Variants in SSPN observed in about 807,000 individuals in gnomAD.
SSPN encodes K-ras oncogene-associated protein.
Under a neutral mutation model 19.1 loss-of-function variants are expected in SSPN, and 15 were observed. The observed-to-expected ratio is 0.78, with a 90% CI of 0.52 to 1.21. The LOEUF (loss-of-function observed/expected upper bound fraction) is 1.21. Ranked by LOEUF, SSPN falls within the 50% of genes most tolerant of loss-of-function variation. The pLI, the probability that SSPN is intolerant of heterozygous loss-of-function variation, is 0.00. For missense variants in SSPN, 291 were observed against 314.0 expected, an observed-to-expected ratio of 0.93 and a Z score of 0.55; for synonymous variants, 147 against 140.3, an observed-to-expected ratio of 1.05 and a Z score of -0.34.
intron 1 of SSPN, among the ~76,000 whole-genome samples, chr12:26,174,197 T>C (rs1459824564): frequency 6.6e-6 from 1 of 152,156 alleles, no homozygotes; most frequent in African/African-American, 2.4e-5. Flanking sequence ...TATTTGAAGG[T>C]CAAACTCACA....
intron 1 of SSPN, among the ~76,000 whole-genome samples, chr12:26,216,082 A>G (rs1945045686): frequency 6.6e-6 from 1 of 152,198 alleles, no homozygotes; most frequent in Non-Finnish European, 1.5e-5. Context: ...CACTCTGTAA[A>G]TATTCATAAA....
chr12:26,164,963 C>T (rs1944611902), intron 1 of SSPN, among the ~76,000 whole-genome samples: 1 of 152,088 alleles, frequency 6.6e-6, no homozygotes, highest in African/African-American at 2.4e-5. Flanking sequence ...ATAGCATTGG[C>T]GTTAGCTTGT....
intron 1 of SSPN, among the ~76,000 whole-genome samples, chr12:26,130,324 A>G (rs780431613): frequency 6.6e-5 from 10 of 152,158 alleles, no homozygotes; most frequent in Non-Finnish European, 1.0e-4. Flanking sequence ...CACTTCTCTC[A>G]CCCACCCACT....
chr12:26,197,923 G>GAGCC (rs1944844261), intron 1 of SSPN, among the ~76,000 whole-genome samples: 1 of 152,158 alleles, frequency 6.6e-6, no homozygotes, highest in Admixed American at 6.5e-5. Flanking sequence ...GGTCTCTGAG[G>GAGCC]AGCCAGGCCA....
upstream of SSPN, among the ~76,000 whole-genome samples, chr12:26,193,285 A>G (rs16930324): frequency 0.087 from 13,314 of 152,228 alleles, 1,176 homozygotes; most frequent in African/African-American, 0.22. Context: ...TTGGCTTTGG[A>G]GTTCACATCT....
At chr12:26,197,511 T>G (rs936498460) in intron 1 of SSPN, among the ~76,000 whole-genome samples, 1 of 152,188 alleles carries the variant, frequency 6.6e-6, no homozygotes, top group Non-Finnish European at 1.5e-5. Context: ...AGCTCTTTCA[T>G]TCAGTGTTTT....
intron 1 of SSPN, among the ~76,000 whole-genome samples, chr12:26,213,353 G>C (rs1177254022): frequency 6.6e-6 from 1 of 152,016 alleles, no homozygotes; most frequent in Non-Finnish European, 1.5e-5. Flanking sequence ...TTGAAAAGTG[G>C]GTCCTTGCTA....
intron 1 of SSPN, among the ~76,000 whole-genome samples, chr12:26,215,530 A>T (rs1250442115): frequency 1.3e-5 from 2 of 152,200 alleles, no homozygotes; most frequent in Non-Finnish European, 2.9e-5. Flanking sequence ...AACTTTGCTC[A>T]GTGACTTTGT....
chr12:26,182,897 G>A (rs371149853), intron 1 of SSPN, among the ~76,000 whole-genome samples: 71 of 151,856 alleles, frequency 4.7e-4, no homozygotes, highest in South Asian at 4.6e-3. Flanking sequence ...CGAGTAGCTG[G>A]GATTACAGGC....
At chr12:26,222,955 T>A (rs1176681558) in intron 1 of SSPN, among the ~76,000 whole-genome samples, 1 of 152,194 alleles carries the variant, frequency 6.6e-6, no homozygotes, top group Non-Finnish European at 1.5e-5. Context: ...TTACTATGCC[T>A]GTCCTCCCCA....
chr12:26,137,270 G>A (rs1944431057), intron 1 of SSPN, among the ~76,000 whole-genome samples: 1 of 152,166 alleles, frequency 6.6e-6, no homozygotes, highest in African/African-American at 2.4e-5. Context: ...CAGAGTCATT[G>A]CCCATAATCT....
At chr12:26,226,533 TG>T (rs1364463626) in intron 2 of SSPN, among the ~76,000 whole-genome samples, 1 of 151,834 alleles carries the variant, frequency 6.6e-6, no homozygotes, top group Non-Finnish European at 1.5e-5. Flanking sequence ...GACAGCCCTC[TG>T]GGGGTTCGGG....
At chr12:26,220,960 T>C (rs1945114601) in intron 1 of SSPN, among the ~76,000 whole-genome samples, 1 of 152,186 alleles carries the variant, frequency 6.6e-6, no homozygotes, top group Non-Finnish European at 1.5e-5. Context: ...GATCTTCTCT[T>C]CCCAAGAATT....
intron 1 of SSPN, among the ~76,000 whole-genome samples, chr12:26,156,287 A>T (rs554568032): frequency 6.6e-6 from 1 of 152,330 alleles, no homozygotes; most frequent in East Asian, 1.9e-4. Context: ...CCAGGATTAG[A>T]ACCGCTGTCT....
intron 1 of SSPN, among the ~76,000 whole-genome samples, chr12:26,212,799 T>A (rs149370700): frequency 7.9e-4 from 120 of 152,260 alleles, no homozygotes; most frequent in African/African-American, 2.7e-3. Flanking sequence ...TAGCTACGAT[T>A]TTGTTCACAG....
intron 1 of SSPN, among the ~76,000 whole-genome samples, chr12:26,220,247 C>CAAAAAAA (rs58022147): frequency 8.7e-6 from 1 of 114,480 alleles, no homozygotes. Flanking sequence ...AAGCTGTAGG[C>CAAAAAAA]AAAAAAAAAA....
intron 1 of SSPN, among the ~76,000 whole-genome samples, chr12:26,185,381 T>C (rs1386667165): frequency 6.6e-6 from 1 of 152,174 alleles, no homozygotes; most frequent in African/African-American, 2.4e-5. Flanking sequence ...AGGCATGGGA[T>C]TCCTAAACTC....
intron 1 of SSPN, among the ~76,000 whole-genome samples, chr12:26,146,393 G>A (rs896224824): frequency 2.6e-5 from 4 of 152,134 alleles, no homozygotes; most frequent in South Asian, 2.1e-4. Context: ...ATGTAAGAGC[G>A]GTAAGGGACA....
chr12:26,226,549 G>T (rs1945178416), intron 2 of SSPN, among the ~76,000 whole-genome samples: 1 of 152,086 alleles, frequency 6.6e-6, no homozygotes, highest in South Asian at 2.1e-4. Context: ...TTCGGGGATT[G>T]GGGGTAGGGT....
Sources: allele counts gnomAD v4.1 joint callset (sites outside exome capture counted in the v4.1 genomes callset), GRCh38; gene constraint gnomAD v4.1.1; transcripts MANE v1.5; gene names NCBI Gene and HGNC (gene_info 2026-07-23, HGNC 2026-07-21).